Variants in OTUB2 observed in about 807,000 individuals in gnomAD.
OTUB2 encodes the protein OTU deubiquitinase, ubiquitin aldehyde binding 2.
In OTUB2, 21 loss-of-function variants were observed where a neutral mutation model predicts 25.1. The observed-to-expected ratio is 0.84, with a 90% CI of 0.59 to 1.21. OTUB2 has a LOEUF of 1.21. Ranked by LOEUF, OTUB2 falls within the 50% of genes most tolerant of loss-of-function variation. OTUB2 has a pLI of 0.00. For missense variants in OTUB2, 283 were observed against 298.0 expected (o/e 0.95, Z 0.37); for synonymous variants, 122 against 122.8 (o/e 0.99, Z 0.04).
Position 94,048,626 on chromosome 14 carries a change from G to T in OTUB2, c.*2704G>T, listed in dbSNP as rs1885326531. The T allele has an allele frequency of 2.0e-5, 3 of 152,350 alleles. No homozygotes were observed. In the South Asian group the frequency reaches 6.2e-4, roughly 32 times the overall value. 9.4% of individuals were successfully genotyped at this position (152,350 alleles called of 1,614,324 possible). A position where few individuals can be genotyped will look rare whatever the true frequency, so the allele number is the denominator to read the frequency against. On this transcript the variant is annotated 3_prime_UTR_variant, in exon 6 of 6. Transcript: ENST00000203664. ...TATACCTGACACACTCATCGTATGG[G>T]CTCTGCAAAGGGATATTCCCCAACC...
At chr14:94,042,029 A>G (rs543399136) in intron 3 of OTUB2, among the ~76,000 whole-genome samples, 1 of 152,352 alleles carries the variant, frequency 6.6e-6, no homozygotes, top group African/African-American at 2.4e-5. Flanking sequence ...ACCCAGGCAG[A>G]CACTTGTTCT....
chr14:94,044,577 C>T lies in OTUB2; in HGVS notation c.304-9C>T, dbSNP rs376243733. 80 of 1,599,778 alleles carry T rather than the reference C, an allele frequency of 5.0e-5. No homozygotes were observed. The highest frequency in any genetic ancestry group is 6.7e-5 in the East Asian group (3 of 44,502). On this transcript the variant is annotated splice_polypyrimidine_tract_variant and intron_variant, in intron 4 of 5. Transcript: ENST00000203664. Reference sequence around the variant, plus strand: ...TTGGCCTCCCTAGCTGAGGGCCGGGCGGGCGCAGTTTTACAGTGTGGTGGA... The same window carrying T: ...TTGGCCTCCCTAGCTGAGGGCCGGGTGGGCGCAGTTTTACAGTGTGGTGGA...
intron 2 of OTUB2, 137 bp from the exon 3 acceptor site, chr14:94,038,826 G>A: frequency 2.5e-6 from 2 of 805,476 alleles, no homozygotes; most frequent in Non-Finnish European, 4.4e-6. Context: ...AGGGTGGGAG[G>A]CTGAGGGGAT....
chr14:94,031,649 C>CT (rs1287433530), intron 1 of OTUB2, among the ~76,000 whole-genome samples: 1 of 152,188 alleles, frequency 6.6e-6, no homozygotes, highest in Non-Finnish European at 1.5e-5. Flanking sequence ...ACCAAAGACT[C>CT]AAAGCCAGTC....
chr14:94,038,508 A>G (rs996606040), intron 2 of OTUB2, among the ~76,000 whole-genome samples: 1 of 152,224 alleles, frequency 6.6e-6, no homozygotes, highest in African/African-American at 2.4e-5. Context: ...AGGCCAGTTC[A>G]GAGGGACACC....
At chr14:94,031,665 A>C (rs1595365138) in intron 1 of OTUB2, among the ~76,000 whole-genome samples, 1 of 152,206 alleles carries the variant, frequency 6.6e-6, no homozygotes, top group Non-Finnish European at 1.5e-5. Flanking sequence ...CAGTCTGAAC[A>C]CAAAGCCCAC....
chr14:94,034,738 C>T (rs77869849), intron 1 of OTUB2, among the ~76,000 whole-genome samples: 3,065 of 152,288 alleles, frequency 0.02, 98 homozygotes, highest in African/African-American at 0.069. Context: ...GCCTCACGCT[C>T]GCAGGATGGC....
rs1045869 is a variant in OTUB2 at position 94,048,661 on chromosome 14, T to C, written c.*2739T>C. The C allele has an allele frequency of 0.49, 75,197 of 152,152 alleles. 19,533 individuals are homozygous for C. Among genetic ancestry groups the C allele is most frequent in the African/African-American group, 0.66 (27,345 of 41,484 alleles). The allele number at this position is 152,152 out of a possible 1,614,324, so 9.4% of individuals were successfully genotyped here. ...GGGATATTCCCCAACCTGTCCTTCC[T>C]GACAGGAAGCATAGGGCACTGCAGA... On this transcript the variant is annotated 3_prime_UTR_variant, in exon 6 of 6. Transcript: ENST00000203664.
rs1446238009 is a variant in OTUB2 at position 94,046,871 on chromosome 14, C to G, written c.*949C>G. On this transcript the variant is annotated 3_prime_UTR_variant, in exon 6 of 6. Coordinates refer to ENST00000203664, the MANE Select transcript of OTUB2 (RefSeq NM_023112.4). ...CTTCTTCCTCCCTTTCCCGCTTCTG[C>G]TCTCTTTATGGACTGGTCAGAGGGT... 1 of 152,492 alleles carries G rather than the reference C, an allele frequency of 6.6e-6. No homozygotes were observed. Among genetic ancestry groups the G allele is most frequent in the African/African-American group, 2.4e-5 (1 of 41,466 alleles). 9.4% of individuals were successfully genotyped at this position (152,492 alleles called of 1,614,324 possible).
chr14:94,033,915 T>A (rs1336389464), intron 1 of OTUB2, among the ~76,000 whole-genome samples: 1 of 152,258 alleles, frequency 6.6e-6, no homozygotes, highest in African/African-American at 2.4e-5. Context: ...TGTCAATCTT[T>A]CATGATTTAG....
At chr14:94,027,778 A>T (rs1884891042) in intron 1 of OTUB2, among the ~76,000 whole-genome samples, 1 of 152,156 alleles carries the variant, frequency 6.6e-6, no homozygotes, top group Admixed American at 6.5e-5. Context: ...TCGAGCTGGG[A>T]CTGTCCTTGC....
At chr14:94,039,446 C>T (rs76660569) in intron 3 of OTUB2, 3,039 of 248,828 alleles carry the variant, frequency 0.012, 88 homozygotes, top group African/African-American at 0.063. Flanking sequence ...TTCCTGTTGA[C>T]CTTGGTGTGG....
rs954916968 is a variant in OTUB2 at position 94,047,642 on chromosome 14, A to G, written c.*1720A>G. The G allele has an allele frequency of 6.6e-6, 1 of 152,226 alleles. No individual in the cohort carries two copies. Among genetic ancestry groups the G allele is most frequent in the Non-Finnish European group, 1.5e-5 (1 of 68,060 alleles). 9.4% of individuals were successfully genotyped at this position (152,226 alleles called of 1,614,324 possible). On this transcript the variant is annotated 3_prime_UTR_variant, in exon 6 of 6. Transcript: ENST00000203664. ...GTCTCCAGGGGATCCCTGTTTCCCA[A>G]CTGAAAGGTGTGAACGGACACACAC...
chr14:94,042,166 C>T (rs1407777031), intron 3 of OTUB2, among the ~76,000 whole-genome samples: 1 of 152,222 alleles, frequency 6.6e-6, no homozygotes, highest in Admixed American at 6.5e-5. Context: ...TTGGAGAACA[C>T]GCGCCGCCTC....
chr14:94,039,629 GACAA>G (rs1885121751), intron 3 of OTUB2, among the ~76,000 whole-genome samples: 1 of 151,516 alleles, frequency 6.6e-6, no homozygotes, highest in Admixed American at 6.6e-5. Context: ...AAAAAGCAAA[GACAA>G]ACAAACCCCT....
Position 94,044,790 on chromosome 14 carries a change from T to TG in OTUB2, c.498+14dup. ...AGACTTCTGCACTCACGTAGGTGCT[T>TG]GGGGTCTCAGCCCCAGCCCTGGGCT... On this transcript the variant is annotated intron_variant, in intron 5 of 5. Coordinates refer to ENST00000203664, the MANE Select transcript of OTUB2 (RefSeq NM_023112.4). 6.2e-7 allele frequency: 1 copy of TG among 1,605,320 alleles called. No individual in the cohort carries two copies. The highest frequency in any genetic ancestry group is 8.5e-7 in the Non-Finnish European group (1 of 1,176,388).
At position 94,026,464 on chromosome 14, in the gene OTUB2, C is replaced by A; in HGVS notation, c.-74C>A. The stretch of plus-strand genomic sequence containing the variant: ...CACCGAACCAGCGGCGGAGCCCGCC[C>A]GCGCCTCCCGCGGCATTCCCGCACC... On this transcript the variant is annotated 5_prime_UTR_variant, in exon 1 of 6. Transcript: ENST00000203664. The A allele has an allele frequency of 7.6e-7, 1 of 1,322,686 alleles. No individual in the cohort carries two copies. Among genetic ancestry groups the A allele is most frequent in the Non-Finnish European group, 9.7e-7 (1 of 1,032,766 alleles). The allele number at this position is 1,322,686 out of a possible 1,614,324, so 81.9% of individuals were successfully genotyped here.
At chr14:94,044,494 G>A in intron 4 of OTUB2, 92 bp from the exon 5 acceptor site, 1 of 1,278,882 alleles carries the variant, frequency 7.8e-7, no homozygotes, top group Non-Finnish European at 1.1e-6. Flanking sequence ...ATGCACGTGA[G>A]GGCTTCACGC....
chr14:94,026,810 GGGGCGCCGCCTCGACGGCGCTGGGT>G (rs1884872259), intron 1 of OTUB2, among the ~76,000 whole-genome samples: 1 of 152,196 alleles, frequency 6.6e-6, no homozygotes, highest in Non-Finnish European at 1.5e-5. Context: ...CAGGTGGCCC[GGGGCGCCGCCTCGACGGCGCTGGGT>G]GGGCGCCCTC....
Sources: allele counts gnomAD v4.1 joint callset (sites outside exome capture counted in the v4.1 genomes callset), GRCh38; gene constraint gnomAD v4.1.1; transcripts MANE v1.5; gene names NCBI Gene and HGNC (gene_info 2026-07-23, HGNC 2026-07-21).